Variants in TAFA1 observed in about 807,000 individuals in gnomAD.
TAFA1 encodes chemokine-like protein TAFA-1.
TAFA1 carries 4 observed loss-of-function variants against 18.5 expected under a neutral mutation model. That is an observed-to-expected ratio of 0.22 (90% CI 0.11 to 0.49). The LOEUF is 0.49. TAFA1 is among the 20% of genes least tolerant of loss of function. The pLI is 0.98. For missense variants in TAFA1, 147 were observed against 169.0 expected (o/e 0.87, Z 0.72); for synonymous variants, 56 against 55.2 (o/e 1.01, Z -0.06).
At chr3:68,142,518 G>A (rs1277281722) in intron 2 of TAFA1, among the ~76,000 whole-genome samples, 1 of 152,172 alleles carries the variant, frequency 6.6e-6, no homozygotes, top group African/African-American at 2.4e-5. Context: ...ATTTGCTGGG[G>A]GTGGGAAGCC....
intron 2 of TAFA1, among the ~76,000 whole-genome samples, chr3:68,143,992 T>A (rs1389173080): frequency 6.6e-6 from 1 of 151,980 alleles, no homozygotes; most frequent in Non-Finnish European, 1.5e-5. Flanking sequence ...AGTCTTTTTT[T>A]TTTTTCTTTT....
chr3:68,472,945 A>G (rs938718155), intron 3 of TAFA1, among the ~76,000 whole-genome samples: 1 of 152,180 alleles, frequency 6.6e-6, no homozygotes, highest in African/African-American at 2.4e-5. Context: ...CACAGGAATG[A>G]CAGGCTTACA....
At chr3:68,329,469 T>C (rs1396661531) in intron 2 of TAFA1, among the ~76,000 whole-genome samples, 1 of 152,144 alleles carries the variant, frequency 6.6e-6, no homozygotes, top group East Asian at 1.9e-4. Context: ...CAGTTCCAGT[T>C]CTGTCATGGG....
intron 2 of TAFA1, among the ~76,000 whole-genome samples, chr3:68,406,651 A>C (rs1405420089): frequency 6.6e-6 from 1 of 152,174 alleles, no homozygotes; most frequent in African/African-American, 2.4e-5. Flanking sequence ...CAAGCAAGCA[A>C]ATTTGAGGAC....
chr3:68,531,279 G>A (rs928059219), intron 3 of TAFA1, among the ~76,000 whole-genome samples: 1 of 152,156 alleles, frequency 6.6e-6, no homozygotes, highest in Non-Finnish European at 1.5e-5. Flanking sequence ...TTGACCGAAT[G>A]ACTTAAAGCA....
At chr3:68,218,894 A>G (rs1418530585) in intron 2 of TAFA1, among the ~76,000 whole-genome samples, 1 of 152,126 alleles carries the variant, frequency 6.6e-6, no homozygotes, top group Non-Finnish European at 1.5e-5. Flanking sequence ...ACTATCCGTG[A>G]CCATCACAAA....
At chr3:68,051,046 G>T (rs2064465470) in intron 2 of TAFA1, among the ~76,000 whole-genome samples, 1 of 152,106 alleles carries the variant, frequency 6.6e-6, no homozygotes, top group Non-Finnish European at 1.5e-5. Flanking sequence ...ATCTCAGCTT[G>T]ATGACTTTCT....
At chr3:68,275,588 G>A (rs988404202) in intron 2 of TAFA1, among the ~76,000 whole-genome samples, 2 of 151,112 alleles carry the variant, frequency 1.3e-5, no homozygotes, top group Non-Finnish European at 1.5e-5. Flanking sequence ...TTCAGATAAA[G>A]TATATGAAAC....
intron 2 of TAFA1, among the ~76,000 whole-genome samples, chr3:68,042,164 T>C (rs1267361020): frequency 6.6e-6 from 1 of 152,198 alleles, no homozygotes; most frequent in African/African-American, 2.4e-5. Flanking sequence ...TTTCCTACCC[T>C]AATTTGCATT....
chr3:68,037,565 G>T (rs927532530), intron 2 of TAFA1, among the ~76,000 whole-genome samples: 1 of 152,094 alleles, frequency 6.6e-6, no homozygotes, highest in Non-Finnish European at 1.5e-5. Flanking sequence ...ACTCAATAAA[G>T]TAGGCAATCC....
intron 2 of TAFA1, among the ~76,000 whole-genome samples, chr3:68,386,694 T>A (rs1006800574): frequency 1.3e-5 from 2 of 152,186 alleles, no homozygotes; most frequent in African/African-American, 4.8e-5. Context: ...GAATTAGTTT[T>A]GTAGACTATT....
intron 3 of TAFA1, among the ~76,000 whole-genome samples, chr3:68,517,505 C>T (rs148226227): frequency 6.6e-6 from 1 of 152,136 alleles, no homozygotes; most frequent in African/African-American, 2.4e-5. Context: ...CAGGGAAAGC[C>T]GTGCAAATGT....
intron 3 of TAFA1, among the ~76,000 whole-genome samples, chr3:68,419,264 C>G (rs1240440732): frequency 1.3e-5 from 2 of 152,132 alleles, no homozygotes; most frequent in Non-Finnish European, 2.9e-5. Flanking sequence ...GGCTGGAAGA[C>G]CAGCAGTCAG....
At position 68,108,437 on chromosome 3, in the gene TAFA1, T is replaced by G. The variant is rs199518497; in HGVS notation, c.118+101693T>G. Among the ~76,000 whole-genome samples the G allele has an allele frequency of 7.8e-3, 213 of 27,232 alleles. 2 individuals carry two copies. The East Asian group carries it at 0.14, about 18-fold the overall frequency. The allele number at this position is 27,232 out of a possible 152,430, so 17.9% of individuals were successfully genotyped here. ...GTAGGAAAGATGTTTTATTTGAAGG[T>G]GTGTGTGTGTGTGTGTGTGTGTGTG... On this transcript the variant is annotated intron_variant, in intron 2 of 4. Coordinates refer to ENST00000478136, the MANE Select transcript of TAFA1 (RefSeq NM_213609.4).
chr3:68,281,310 A>G (rs1223404304), intron 2 of TAFA1, among the ~76,000 whole-genome samples: 5 of 152,058 alleles, frequency 3.3e-5, no homozygotes, highest in African/African-American at 1.2e-4. Context: ...AGAAAATACT[A>G]TACCATGTTT....
At chr3:68,240,493 C>T (rs1274940805) in intron 2 of TAFA1, among the ~76,000 whole-genome samples, 2 of 152,100 alleles carry the variant, frequency 1.3e-5, no homozygotes, top group Admixed American at 1.3e-4. Context: ...ATAGCATAAC[C>T]CTTCCTTTTT....
In TAFA1 at chr3:68,257,809, G is replaced by T. The variant is rs80139427; in HGVS notation, c.119-159471G>T. On this transcript the variant is annotated intron_variant, in intron 2 of 4. Transcript: ENST00000478136. ...TAGTAACCTCACAGTGGATAAACTT[G>T]GAAGCCATTATCTTAACCAAGTGAC... 5.0e-3 allele frequency among the ~76,000 whole-genome samples: 761 copies of T among 152,138 alleles called. 6 individuals carry two copies. The highest frequency in any genetic ancestry group is 0.017 in the African/African-American group (705 of 41,512).
intron 3 of TAFA1, among the ~76,000 whole-genome samples, chr3:68,493,099 T>C (rs1473985787): frequency 6.6e-6 from 1 of 152,198 alleles, no homozygotes; most frequent in Non-Finnish European, 1.5e-5. Context: ...AGAACTCTTC[T>C]CATCTTGCAA....
intron 2 of TAFA1, among the ~76,000 whole-genome samples, chr3:68,093,380 T>C (rs2065050464): frequency 6.6e-6 from 1 of 152,126 alleles, no homozygotes; most frequent in Admixed American, 6.6e-5. Flanking sequence ...GTTAAACTAG[T>C]TTCCATCCCC....
Sources: gnomAD v4.1 joint callset for allele counts (sites outside exome capture counted in the v4.1 genomes callset) on GRCh38, gnomAD v4.1.1 for gene constraint, MANE v1.5 for transcripts, NCBI Gene and HGNC (gene_info 2026-07-23, HGNC 2026-07-21) for gene names.